SLF1: variants seen among roughly 807,000 people sequenced by gnomAD.
SLF1 encodes SMC5/6 complex localization factor 1, also known as SMC5-SMC6 complex localization factor protein 1.
In SLF1, 105 loss-of-function variants were observed where a neutral mutation model predicts 123.0. That is an observed-to-expected ratio of 0.85 (90% CI 0.73 to 1.00). The LOEUF is 1.00. SLF1 is among the 50% of genes least tolerant of loss of function. SLF1 has a pLI of 0.00. For missense variants in SLF1, 1,239 were observed against 1,223.0 expected, an observed-to-expected ratio of 1.01 and a Z score of -0.20; for synonymous variants, 434 against 406.6, an observed-to-expected ratio of 1.07 and a Z score of -0.81.
rs780583050 is a variant in SLF1, at chr5:94,678,816, A to T, written c.1836A>T (p.Lys612Asn). The T allele has an allele frequency of 6.2e-6, 10 of 1,612,462 alleles. No individual in the cohort carries two copies. Among genetic ancestry groups the T allele is most frequent in the African/African-American group, 1.3e-5 (1 of 74,908 alleles). The change falls in exon 15 of 21, where the codon AAA (lysine) becomes AAT (asparagine). Residue 612 changes from lysine to asparagine, a missense_variant. Physicochemically the swap from Lys to Asn is moderately conservative, Grantham distance 94. Transcript: ENST00000265140. ...KEKFKSNDVF[K>N]HELAYLLAGI... Reference sequence around the variant, plus strand: ...TTGTATCTTAATGTTAGGTCTTCAAACATGAACTAGCTTACTTATTGGCTG... The same window carrying T: ...TTGTATCTTAATGTTAGGTCTTCAATCATGAACTAGCTTACTTATTGGCTG...
chr5:94,638,475 G>T (rs1746067260), intron 4 of SLF1, among the ~76,000 whole-genome samples: 1 of 152,106 alleles, frequency 6.6e-6, no homozygotes. Context: ...ACCACGCCTG[G>T]CCTCCTTGCT....
At chr5:94,672,523 T>A (rs1585200195) in intron 14 of SLF1, among the ~76,000 whole-genome samples, 1 of 152,004 alleles carries the variant, frequency 6.6e-6, no homozygotes, top group South Asian at 2.1e-4. Flanking sequence ...CATATAGATT[T>A]TTTTTTTCTG....
intron 4 of SLF1, among the ~76,000 whole-genome samples, chr5:94,636,762 G>A (rs1745847664): frequency 7.7e-6 from 1 of 129,264 alleles, no homozygotes; most frequent in South Asian, 2.5e-4. Context: ...CTGTCACCCA[G>A]GCTGGAGTGC....
At chr5:94,651,296 C>T (rs980751954) in intron 6 of SLF1, among the ~76,000 whole-genome samples, 1 of 152,190 alleles carries the variant, frequency 6.6e-6, no homozygotes, top group Admixed American at 6.5e-5. Flanking sequence ...CTTCTCAAAA[C>T]ATATCCCCAT....
intron 1 of SLF1, among the ~76,000 whole-genome samples, chr5:94,620,764 T>C (rs1224030934): frequency 6.6e-6 from 1 of 152,264 alleles, no homozygotes; most frequent in East Asian, 1.9e-4. Flanking sequence ...TAATGTACTA[T>C]GTACTGTTTT....
In SLF1 at chr5:94,622,630, A is replaced by C. The variant is rs75048666; in HGVS notation, c.-1+3865A>C. On this transcript the variant is annotated intron_variant, in intron 1 of 20. Coordinates refer to ENST00000265140, the MANE Select transcript of SLF1 (RefSeq NM_032290.4). ...TTTTAATCTTTCTATATACTTTGTA[A>C]TATTTTTCAAATTTTCTATAATAAG... Among the ~76,000 whole-genome samples, 298 of 152,276 alleles carry C rather than the reference A, an allele frequency of 2.0e-3. 9 individuals are homozygous for C. In the East Asian group the frequency reaches 0.05, roughly 26 times the overall value.
At chr5:94,677,777 T>C (rs1751256856) in intron 14 of SLF1, among the ~76,000 whole-genome samples, 1 of 152,202 alleles carries the variant, frequency 6.6e-6, no homozygotes, top group African/African-American at 2.4e-5. Flanking sequence ...TTCATCTTCA[T>C]AGTTTCTACT....
intron 9 of SLF1, among the ~76,000 whole-genome samples, chr5:94,658,854 T>C (rs184853157): frequency 1.1e-4 from 16 of 151,968 alleles, no homozygotes; most frequent in African/African-American, 3.4e-4. Context: ...CCTGTCTTCA[T>C]GTTTAGAAAT....
At chr5:94,661,578 A>T (rs2152485256) in intron 9 of SLF1, among the ~76,000 whole-genome samples, 1 of 149,494 alleles carries the variant, frequency 6.7e-6, no homozygotes, top group African/African-American at 2.5e-5. Flanking sequence ...TCTGTTGCCC[A>T]GGCTGGAGTG....
chr5:94,633,815 A>G (rs969763025), intron 4 of SLF1, among the ~76,000 whole-genome samples: 2 of 151,952 alleles, frequency 1.3e-5, no homozygotes, highest in African/African-American at 2.4e-5. Flanking sequence ...AATTTTCTCT[A>G]TTGTTTGTCA....
At position 94,625,509 on chromosome 5, in the gene SLF1, G is replaced by A. The variant is rs899633240; in HGVS notation, c.1-3302G>A. ...AGCAATTCTTCTGCCTCAGCCTCCCGAGTAGCTGAGATTACAGGCACCTGC... is the reference window on the plus strand; with the variant it reads ...AGCAATTCTTCTGCCTCAGCCTCCCAAGTAGCTGAGATTACAGGCACCTGC... On this transcript the variant is annotated intron_variant, in intron 1 of 20. Coordinates refer to ENST00000265140, the MANE Select transcript of SLF1 (RefSeq NM_032290.4). Among the ~76,000 whole-genome samples, 4 of 151,826 alleles carry A rather than the reference G, an allele frequency of 2.6e-5. No individual in the cohort carries two copies. In the East Asian group the frequency reaches 5.9e-4, roughly 22 times the overall value.
intron 18 of SLF1, among the ~76,000 whole-genome samples, chr5:94,690,008 T>C (rs1042100236): frequency 1.3e-5 from 2 of 152,200 alleles, no homozygotes; most frequent in Admixed American, 6.5e-5. Flanking sequence ...GAACAAAGAA[T>C]GAAGAGTAGG....
intron 15 of SLF1, among the ~76,000 whole-genome samples, chr5:94,684,558 C>T (rs1249805059): frequency 2.6e-5 from 4 of 151,824 alleles, no homozygotes; most frequent in Non-Finnish European, 2.9e-5. Flanking sequence ...ATTAGCTGGG[C>T]GTGGTGGCGA....
At chr5:94,618,999 C>G (rs150506016) in intron 1 of SLF1, among the ~76,000 whole-genome samples, 36 of 152,286 alleles carry the variant, frequency 2.4e-4, no homozygotes, top group African/African-American at 7.5e-4. Flanking sequence ...GACCCCGCGA[C>G]GCTTCGCCCG....
chr5:94,688,791 C>G, intron 17 of SLF1, 122 bp downstream of exon 17: 3 of 1,036,406 alleles, frequency 2.9e-6, no homozygotes, highest in African/African-American at 1.6e-5. Context: ...GATCAAAACT[C>G]AATTTTAGAT....
At chr5:94,679,824 T>G (rs1209457472) in intron 15 of SLF1, among the ~76,000 whole-genome samples, 1 of 152,120 alleles carries the variant, frequency 6.6e-6, no homozygotes, top group Non-Finnish European at 1.5e-5. Flanking sequence ...AGGTGAAAAG[T>G]TCTACCCAAT....
In SLF1 at chr5:94,689,481, A is replaced by T; in HGVS notation, c.2294A>T (p.Asn765Ile). The change falls in exon 18 of 21, where the codon AAC (asparagine) becomes ATC (isoleucine). Residue 765 changes from asparagine (N) to isoleucine (I), a missense_variant. Coordinates refer to ENST00000265140, the MANE Select transcript of SLF1 (RefSeq NM_032290.4). ...CTTACTTTTCCTTTCAGAGACCTGAACCTTGCTAAATGTTCCTCATCATTA... is the reference window on the plus strand; with the variant it reads ...CTTACTTTTCCTTTCAGAGACCTGATCCTTGCTAAATGTTCCTCATCATTA... Reference protein sequence around the residue: ...VEGLPELLDLNLAKCSSSLKK... With the variant: ...VEGLPELLDLILAKCSSSLKK... The T allele has an allele frequency of 1.2e-6, 2 of 1,611,972 alleles. No individual in the cohort carries two copies. Among genetic ancestry groups the T allele is most frequent in the Non-Finnish European group, 1.7e-6 (2 of 1,179,156 alleles).
intron 1 of SLF1, among the ~76,000 whole-genome samples, chr5:94,626,051 A>T (rs1160147151): frequency 6.6e-6 from 1 of 151,954 alleles, no homozygotes; most frequent in Admixed American, 6.6e-5. Context: ...CAGGAGATCG[A>T]GACCGTCCTG....
chr5:94,667,067 A>T (rs1361087125), intron 12 of SLF1, among the ~76,000 whole-genome samples: 1 of 150,892 alleles, frequency 6.6e-6, no homozygotes, highest in African/African-American at 2.4e-5. Context: ...GCTCTTTGAG[A>T]TCATAAAGAT....
Sources: gnomAD v4.1 joint callset for allele counts (sites outside exome capture counted in the v4.1 genomes callset) on GRCh38, gnomAD v4.1.1 for gene constraint, MANE v1.5 for transcripts, NCBI Gene and HGNC (gene_info 2026-07-23, HGNC 2026-07-21) for gene names.